The following ABI2 variants were observed in gnomAD, a reference collection of about 807,000 sequenced individuals.
ABI2 encodes the protein abelson interactor 2.
In ABI2, 25 loss-of-function variants were observed where a neutral mutation model predicts 59.2. That is an observed-to-expected ratio of 0.42 (90% CI 0.31 to 0.59). The LOEUF (loss-of-function observed/expected upper bound fraction) is 0.59. Among genes scored for constraint, ABI2 ranks in the 20% least tolerant of loss-of-function variants. The pLI is 0.14. For synonymous variants in ABI2, 213 were observed against 235.5 expected, an observed-to-expected ratio of 0.90 and a Z score of 0.87; for missense variants, 545 against 681.8, an observed-to-expected ratio of 0.80 and a Z score of 2.23.
intron 9 of ABI2, among the ~76,000 whole-genome samples, chr2:203,406,776 G>T (rs1245997557): frequency 6.6e-6 from 1 of 152,022 alleles, no homozygotes; most frequent in East Asian, 1.9e-4. Flanking sequence ...CGATTCTCCT[G>T]CCTCAGCCTC....
chr2:203,335,555 G>T lies in ABI2; in HGVS notation c.117+6924G>T, dbSNP rs78660217. ...TGGGATTACACCTGTCAGCCGCCAT[G>T]CCTGGCCTTGAATTATTTTATAAGT... On this transcript the variant is annotated intron_variant, in intron 1 of 11. Transcript: ENST00000261018. Among the ~76,000 whole-genome samples the T allele has an allele frequency of 2.8e-3, 433 of 152,332 alleles. 25 individuals are homozygous for T. In the East Asian group the frequency reaches 0.08, roughly 28 times the overall value.
intron 1 of ABI2, among the ~76,000 whole-genome samples, chr2:203,340,645 A>G (rs1481999860): frequency 1.3e-5 from 2 of 152,070 alleles, no homozygotes; most frequent in Non-Finnish European, 2.9e-5. Context: ...GGTGTGAGCT[A>G]CCATTTGCCT....
chr2:203,346,028 A>ACG (rs1482278001), intron 1 of ABI2, among the ~76,000 whole-genome samples: 2 of 151,404 alleles, frequency 1.3e-5, no homozygotes, highest in Non-Finnish European at 2.9e-5. Flanking sequence ...AAAAATACAC[A>ACG]CGCGCACACA....
intron 8 of ABI2, among the ~76,000 whole-genome samples, chr2:203,400,895 TA>T (rs1429841601): frequency 6.6e-6 from 1 of 152,186 alleles, no homozygotes; most frequent in Non-Finnish European, 1.5e-5. Flanking sequence ...AGCTGAGAAA[TA>T]TGAAGCCTGG....
chr2:203,369,847 A>G (rs1487282257), intron 2 of ABI2, among the ~76,000 whole-genome samples: 1 of 152,176 alleles, frequency 6.6e-6, no homozygotes, highest in South Asian at 2.1e-4. Flanking sequence ...GATAGAGGCT[A>G]TATTTAAGAA....
chr2:203,331,584 C>A (rs1243857463), intron 1 of ABI2, among the ~76,000 whole-genome samples: 1 of 151,776 alleles, frequency 6.6e-6, no homozygotes, highest in Non-Finnish European at 1.5e-5. Context: ...GTCTGGAACT[C>A]CTGGCCTCAG....
chr2:203,333,764 C>T (rs1421499884), intron 1 of ABI2, among the ~76,000 whole-genome samples: 1 of 152,150 alleles, frequency 6.6e-6, no homozygotes, highest in Admixed American at 6.6e-5. Flanking sequence ...CATTTGTACA[C>T]TTCCTACACC....
intron 4 of ABI2, among the ~76,000 whole-genome samples, chr2:203,385,327 T>C (rs2096452435): frequency 1.3e-5 from 2 of 150,784 alleles, no homozygotes; most frequent in South Asian, 4.2e-4. Context: ...GAGACGGGGT[T>C]TCACCGTGTT....
At chr2:203,406,934 C>T (rs1353548547) in intron 9 of ABI2, among the ~76,000 whole-genome samples, 1 of 152,110 alleles carries the variant, frequency 6.6e-6, no homozygotes, top group Non-Finnish European at 1.5e-5. Context: ...AAAGGTCATC[C>T]CAAATTCTAC....
intron 4 of ABI2, among the ~76,000 whole-genome samples, chr2:203,384,600 G>A (rs995581762): frequency 6.6e-6 from 1 of 151,854 alleles, no homozygotes; most frequent in African/African-American, 2.4e-5. Context: ...GTGAGCCACC[G>A]TGCCTGGCCA....
At chr2:203,376,204 G>A in intron 2 of ABI2, 1 of 1,162,736 alleles carries the variant, frequency 8.6e-7, no homozygotes, top group Non-Finnish European at 1.2e-6. Context: ...TGCCCCCAAG[G>A]GGACATTTGG....
At chr2:203,408,833 C>CTTTCTTTTTTTTTTT (rs1259310860) in intron 9 of ABI2, among the ~76,000 whole-genome samples, 145 of 87,202 alleles carry the variant, frequency 1.7e-3, no homozygotes, top group South Asian at 9.3e-3. Flanking sequence ...CTTCTCCTTT[C>CTTTCTTTTTTTTTTT]TTTTTTTTTT....
At chr2:203,328,873 C>A (rs2070442504) in intron 1 of ABI2, 3 of 308,926 alleles carry the variant, frequency 9.7e-6, no homozygotes, top group South Asian at 1.3e-4. Context: ...TGTCGCGTCC[C>A]GCCTCCTCGC....
chr2:203,375,784 A>G (rs993759297), intron 2 of ABI2: 8 of 257,956 alleles, frequency 3.1e-5, no homozygotes, highest in Middle Eastern at 2.3e-3. Flanking sequence ...ATTGAAGCAG[A>G]TGATTGCTGA....
At chr2:203,380,424 C>A (rs1415264009) in intron 3 of ABI2, 40 bp downstream of exon 3, 8 of 1,265,180 alleles carry the variant, frequency 6.3e-6, no homozygotes, top group African/African-American at 1.5e-5. Flanking sequence ...AGTAGTAACC[C>A]ATAATGAAAC....
intron 10 of ABI2, among the ~76,000 whole-genome samples, chr2:203,415,349 G>T (rs887009614): frequency 6.6e-6 from 1 of 152,090 alleles, no homozygotes; most frequent in African/African-American, 2.4e-5. Flanking sequence ...CGGGCGCGGT[G>T]GCTCACGCCT....
intron 4 of ABI2, among the ~76,000 whole-genome samples, chr2:203,388,057 T>G (rs1349784278): frequency 6.6e-6 from 1 of 152,210 alleles, no homozygotes; most frequent in East Asian, 1.9e-4. Flanking sequence ...AATATAGATT[T>G]TACCTATTAT....
chr2:203,423,460 CTG>C (rs1427564860), intron 11 of ABI2, among the ~76,000 whole-genome samples: 1 of 152,202 alleles, frequency 6.6e-6, no homozygotes, highest in Non-Finnish European at 1.5e-5. Context: ...GAGTCTCGCT[CTG>C]TCGCTCAGGC....
rs570822992 is a variant in ABI2 at position 203,431,485 on chromosome 2, C to T, written c.*4133C>T. 6.6e-6 allele frequency: 1 copy of T among 152,656 alleles called. No individual in the cohort carries two copies. Among genetic ancestry groups the T allele is most frequent in the South Asian group, 2.1e-4 (1 of 4,826 alleles). The allele number at this position is 152,656 out of a possible 1,614,324, so 9.5% of individuals were successfully genotyped here. ...AATTTGTGGAAATAATCTTCATTTA[C>T]CCCTCCTAAAACTACACTCAGTATA... On this transcript the variant is annotated 3_prime_UTR_variant, in exon 12 of 12. Coordinates refer to ENST00000261018, the MANE Select transcript of ABI2 (RefSeq NM_001375670.1).
Sources: allele counts gnomAD v4.1 joint callset (sites outside exome capture counted in the v4.1 genomes callset), GRCh38; gene constraint gnomAD v4.1.1; transcripts MANE v1.5; gene names NCBI Gene and HGNC (gene_info 2026-07-23, HGNC 2026-07-21).